The following THSD7B variants were observed in gnomAD, a reference collection of about 807,000 sequenced individuals.
THSD7B encodes thrombospondin type 1 domain containing 7B, also known as thrombospondin type-1 domain-containing protein 7B.
THSD7B carries 138 observed loss-of-function variants against 213.6 expected under a neutral mutation model. The ratio of observed to expected loss-of-function variants is 0.65; its 90% CI spans 0.56 to 0.74. The LOEUF is 0.74. THSD7B is among the 30% of genes least tolerant of loss of function. THSD7B has a pLI of 0.00. For synonymous variants in THSD7B, 742 were observed against 687.0 expected (o/e 1.08, Z -1.25); for missense variants, 1,931 against 1,991.5 (o/e 0.97, Z 0.58).
At chr2:137,511,118 C>G (rs980298498) in intron 15 of THSD7B, among the ~76,000 whole-genome samples, 1 of 152,118 alleles carries the variant, frequency 6.6e-6, no homozygotes, top group African/African-American at 2.4e-5. Context: ...TTTTTCCTCT[C>G]TCTTCTTTGG....
At chr2:136,972,464 G>A (rs1289249818) in intron 2 of THSD7B, among the ~76,000 whole-genome samples, 1 of 152,074 alleles carries the variant, frequency 6.6e-6, no homozygotes, top group Non-Finnish European at 1.5e-5. Flanking sequence ...TAAACAATAT[G>A]CATGTATGCG....
intron 16 of THSD7B, among the ~76,000 whole-genome samples, chr2:137,566,719 T>C (rs2105228076): frequency 6.6e-6 from 1 of 152,226 alleles, no homozygotes; most frequent in Middle Eastern, 3.4e-3. Flanking sequence ...AAAAATTCAG[T>C]CTGATTGGTC....
chr2:137,350,625 A>C (rs746301920), intron 12 of THSD7B, among the ~76,000 whole-genome samples: 2 of 151,796 alleles, frequency 1.3e-5, no homozygotes, highest in African/African-American at 4.8e-5. Flanking sequence ...TGTCTGAAAG[A>C]GATCACTCTG....
At chr2:136,837,362 TA>T (rs1479955403) in intron 1 of THSD7B, among the ~76,000 whole-genome samples, 1 of 152,166 alleles carries the variant, frequency 6.6e-6, no homozygotes, top group Non-Finnish European at 1.5e-5. Flanking sequence ...TCTGGCCAAC[TA>T]ACTTTCCATC....
At chr2:137,519,929 A>G (rs141372953) in intron 15 of THSD7B, among the ~76,000 whole-genome samples, 20 of 152,362 alleles carry the variant, frequency 1.3e-4, no homozygotes, top group African/African-American at 4.6e-4. Flanking sequence ...AAGAGAATAT[A>G]AAGTTTTCAG....
At chr2:137,659,885 A>C in intron 25 of THSD7B, 139 bp downstream of exon 25, 1 of 648,792 alleles carries the variant, frequency 1.5e-6, no homozygotes, top group Non-Finnish European at 2.5e-6. Context: ...TTGCAGGAGT[A>C]ATCCCAGTTA....
chr2:136,936,838 AGAAAT>A (rs911221652), intron 2 of THSD7B, among the ~76,000 whole-genome samples: 2 of 152,150 alleles, frequency 1.3e-5, no homozygotes, highest in Non-Finnish European at 2.9e-5. Context: ...TTTTAAAAAA[AGAAAT>A]GATAACATTT....
chr2:137,235,787 A>T lies in THSD7B; in HGVS notation c.2150+2654A>T, dbSNP rs894877276. Among the ~76,000 whole-genome samples, 51 of 152,336 alleles carry T rather than the reference A, an allele frequency of 3.3e-4. 1 individual carries two copies. Among genetic ancestry groups the T allele is most frequent in the African/African-American group, 1.1e-3 (47 of 41,580 alleles). On this transcript the variant is annotated intron_variant, in intron 9 of 27. Coordinates refer to ENST00000409968, the MANE Select transcript of THSD7B (RefSeq NM_001316349.2). ...ATCTCCAGTTTTGCTGTGGTTTACC[A>T]ACACAGAAAAATCAATTGCACAGAT...
intron 7 of THSD7B, among the ~76,000 whole-genome samples, chr2:137,204,663 T>G (rs1375955139): frequency 6.6e-6 from 1 of 152,168 alleles, no homozygotes; most frequent in Admixed American, 6.6e-5. Context: ...TATTTTTTAT[T>G]GAGCACAAAT....
chr2:137,223,679 C>T (rs1308394138), intron 7 of THSD7B, among the ~76,000 whole-genome samples: 4 of 152,146 alleles, frequency 2.6e-5, no homozygotes, highest in African/African-American at 9.7e-5. Flanking sequence ...ATTGCTTCCT[C>T]CTGGAATGTG....
At chr2:137,015,971 G>A (rs1686331942) in intron 2 of THSD7B, among the ~76,000 whole-genome samples, 1 of 152,114 alleles carries the variant, frequency 6.6e-6, no homozygotes, top group Non-Finnish European at 1.5e-5. Flanking sequence ...TCTCTTCTAG[G>A]ACAGCAGTGA....
At chr2:137,633,690 G>T (rs1006312665) in intron 20 of THSD7B, among the ~76,000 whole-genome samples, 13 of 152,086 alleles carry the variant, frequency 8.5e-5, no homozygotes, top group African/African-American at 3.1e-4. Flanking sequence ...TGAAACCAGG[G>T]TTGATAAAGT....
chr2:137,273,201 C>A (rs1682789717), intron 11 of THSD7B, among the ~76,000 whole-genome samples: 1 of 151,948 alleles, frequency 6.6e-6, no homozygotes, highest in Non-Finnish European at 1.5e-5. Context: ...TACACAATTT[C>A]AGAAACCATC....
intron 12 of THSD7B, among the ~76,000 whole-genome samples, chr2:137,372,494 A>C (rs1685555177): frequency 6.6e-6 from 1 of 151,676 alleles, no homozygotes; most frequent in South Asian, 2.1e-4. Flanking sequence ...AGTTACAGGC[A>C]AAGGTATAAA....
chr2:137,180,607 C>T (rs542742480), intron 7 of THSD7B, among the ~76,000 whole-genome samples: 5 of 152,108 alleles, frequency 3.3e-5, no homozygotes, highest in Admixed American at 2.6e-4. Flanking sequence ...CAATTGGGAA[C>T]TATTGTTATT....
At position 137,435,252 on chromosome 2, in the gene THSD7B, G is replaced by A. The variant is rs547290481; in HGVS notation, c.2960-15593G>A. ...TTGGAGCCATGCCTGAGGATGGTTTGGGGAAAGATACAAACTTTTTAAGGG... is the reference window on the plus strand; with the variant it reads ...TTGGAGCCATGCCTGAGGATGGTTTAGGGAAAGATACAAACTTTTTAAGGG... On this transcript the variant is annotated intron_variant, in intron 14 of 27. Coordinates refer to ENST00000409968, the MANE Select transcript of THSD7B (RefSeq NM_001316349.2). 3.3e-5 allele frequency among the ~76,000 whole-genome samples: 5 copies of A among 152,230 alleles called. No homozygotes were observed. The South Asian group carries it at 8.3e-4, about 25-fold the overall frequency.
intron 12 of THSD7B, among the ~76,000 whole-genome samples, chr2:137,373,354 C>A (rs961819685): frequency 6.6e-6 from 1 of 152,184 alleles, no homozygotes; most frequent in Non-Finnish European, 1.5e-5. Flanking sequence ...TCCTCTCCAG[C>A]ACCTGTTGTT....
At chr2:137,210,341 A>G (rs976010609) in intron 7 of THSD7B, among the ~76,000 whole-genome samples, 2 of 152,102 alleles carry the variant, frequency 1.3e-5, no homozygotes, top group Non-Finnish European at 2.9e-5. Context: ...GTAGACATAC[A>G]ATATTAAAAA....
intron 2 of THSD7B, among the ~76,000 whole-genome samples, chr2:136,958,778 C>G (rs1010250985): frequency 1.3e-5 from 2 of 152,230 alleles, no homozygotes. Context: ...CTTATTAGAT[C>G]TGTCCCACCA....
Sources: allele counts gnomAD v4.1 joint callset (sites outside exome capture counted in the v4.1 genomes callset), GRCh38; gene constraint gnomAD v4.1.1; transcripts MANE v1.5; gene names NCBI Gene and HGNC (gene_info 2026-07-23, HGNC 2026-07-21).